Variants in MAN2C1 observed in about 807,000 individuals in gnomAD.
The protein encoded by MAN2C1 is mannosidase alpha class 2C member 1, also known as alpha-mannosidase 2C1.
Under a neutral mutation model 126.9 loss-of-function variants are expected in MAN2C1, and 111 were observed. The ratio of observed to expected loss-of-function variants is 0.87; its 90% CI spans 0.75 to 1.02. MAN2C1 has a LOEUF of 1.02. MAN2C1 is among the 50% of genes least tolerant of loss of function. The pLI, the probability that MAN2C1 is intolerant of heterozygous loss-of-function variation, is 0.00. For synonymous variants in MAN2C1, 567 were observed against 561.5 expected (o/e 1.01, Z -0.14); for missense variants, 1,363 against 1,364.4 (o/e 1.00, Z 0.02).
chr15:75,367,546 C>T lies in MAN2C1; in HGVS notation c.316G>A (p.Glu106Lys), dbSNP rs2072600243. Residue 106 changes from glutamate to lysine, a missense_variant, in exon 3 of 26, where the codon GAA (glutamate) becomes AAA (lysine). Physicochemically the swap from Glu to Lys is moderately conservative, Grantham distance 56 (BLOSUM62 1). Coordinates refer to ENST00000267978, the MANE Select transcript of MAN2C1 (RefSeq NM_006715.4). ...EVHLCWESDG[E>K]GLVWRDGEPV... ...TCTCCATCACGCCACACCAGACCTT[C>T]TCCATCACTTTCCCAGCAAAGGTGA... 1 of 1,614,090 alleles carries T rather than the reference C, an allele frequency of 6.2e-7. No individual in the cohort carries two copies. Among genetic ancestry groups the T allele is most frequent in the Admixed American group, 1.7e-5 (1 of 60,008 alleles).
In MAN2C1 at chr15:75,356,993, G is replaced by T; in HGVS notation, c.2548-91C>A. 3 of 1,040,542 alleles carry T rather than the reference G, an allele frequency of 2.9e-6. No homozygotes were observed. The highest frequency in any genetic ancestry group is 4.4e-6 in the Non-Finnish European group (3 of 689,002). The allele number at this position is 1,040,542 out of a possible 1,614,324, so 64.5% of individuals were successfully genotyped here. ...GCTCCTGTCACTAGGCCGAGCACAA[G>T]CTCTAGAACCACACAACTGAACTCC... On this transcript the variant is annotated intron_variant, in intron 21 of 25. Transcript: ENST00000267978. This position sits in a 1 kb window ranked among gnomAD's most constrained non-coding sequence, Gnocchi z 5.8.
chr15:75,362,924 C>G lies in MAN2C1; in HGVS notation c.791-176G>C. 1.6e-6 allele frequency: 1 copy of G among 609,918 alleles called. No homozygotes were observed. The highest frequency in any genetic ancestry group is 2.8e-5 in the East Asian group (1 of 35,546). 37.8% of individuals were successfully genotyped at this position (609,918 alleles called of 1,614,324 possible). On this transcript the variant is annotated intron_variant, in intron 6 of 25. Transcript: ENST00000267978. The surrounding 1 kb of genome is among the most constrained non-coding windows in gnomAD (Gnocchi z 4.5). ...CACTCCAGCGAGGTGGGAGGAGGGG[C>G]TGGGGAAAGGAGGCGGCAGTGCTAT...
In MAN2C1 at chr15:75,363,889, G is replaced by GAGCAAGAACTTGC. The variant is rs532778038; in HGVS notation, c.790+109_790+110insGCAAGTTCTTGCT. 9.6e-4 allele frequency: 1,175 copies of GAGCAAGAACTTGC among 1,227,194 alleles called. 15 individuals are homozygous for GAGCAAGAACTTGC. The East Asian group carries it at 0.027, about 28-fold the overall frequency. The allele number at this position is 1,227,194 out of a possible 1,614,324, so 76.0% of individuals were successfully genotyped here. A position where few individuals can be genotyped will look rare whatever the true frequency, so the allele number is the denominator to read the frequency against. ...CGTTTTACAGACGGGGAAAACGCAG[G>GAGCAAGAACTTGC]TCCAAGAGGAGCAAGAACTTGCTGA... On this transcript the variant is annotated intron_variant, in intron 6 of 25. Transcript: ENST00000267978.
In MAN2C1 at chr15:75,356,315, C is replaced by A; in HGVS notation, c.2872G>T (p.Glu958Ter). 6.2e-7 allele frequency: 1 copy of A among 1,611,846 alleles called. No homozygotes were observed. Among genetic ancestry groups the A allele is most frequent in the Non-Finnish European group, 8.5e-7 (1 of 1,179,352 alleles). Reference sequence around the variant, plus strand: ...CCACCCCTTGCCTGCTTGACGGTCTCCAATACGACCGCGGGTGAAGACACG... The same window carrying A: ...CCACCCCTTGCCTGCTTGACGGTCTACAATACGACCGCGGGTGAAGACACG... ...FSVSSPAVVL[E>*]TVKQAESSPQ... is the part of the protein sequence containing the mutation. The change falls in exon 24 of 26, where the codon GAG becomes TAG. Residue 958 changes from glutamate (E) to a stop codon, truncating the protein, a stop_gained. Transcript: ENST00000267978. LOFTEE classifies it high-confidence loss of function. This position sits in a 1 kb window ranked among gnomAD's most constrained non-coding sequence, Gnocchi z 5.8.
At chr15:75,367,886 A>T in intron 2 of MAN2C1, 187 bp downstream of exon 2, 2 of 956,386 alleles carry the variant, frequency 2.1e-6, no homozygotes, top group Non-Finnish European at 3.0e-6. Context: ...TGGGAATGAA[A>T]ACCATCCCCT....
chr15:75,360,027 G>A (rs998594512), intron 14 of MAN2C1, 39 bp from the exon 15 acceptor site: 1 of 1,613,846 alleles, frequency 6.2e-7, no homozygotes, highest in Non-Finnish European at 8.5e-7. Context: ...GGCTGGGAGG[G>A]GCAGGCACAG....
Position 75,361,508 on chromosome 15 carries a change from G to A in MAN2C1, c.1218+96C>T, listed in dbSNP as rs931027847. On this transcript the variant is annotated intron_variant, in intron 10 of 25. Coordinates refer to ENST00000267978, the MANE Select transcript of MAN2C1 (RefSeq NM_006715.4). The surrounding 1 kb of genome is among the most constrained non-coding windows in gnomAD (Gnocchi z 5.0). Reference sequence around the variant, plus strand: ...CTGGCAGAGGCAGAGTGAGGGTTTGGTGGTCTGTCTAGGACCCCACAATAA... The same window carrying A: ...CTGGCAGAGGCAGAGTGAGGGTTTGATGGTCTGTCTAGGACCCCACAATAA... 7.9e-7 allele frequency: 1 copy of A among 1,273,326 alleles called. No homozygotes were observed. 78.9% of individuals were successfully genotyped at this position (1,273,326 alleles called of 1,614,324 possible). A position where few individuals can be genotyped will look rare whatever the true frequency, so the allele number is the denominator to read the frequency against.
Position 75,361,549 on chromosome 15 carries a change from G to A in MAN2C1, c.1218+55C>T. ...CCCACAATAAGGGGGAGAGGCAAAT[G>A]GGCCAGGCGGGACTGAGGCCCACTC... On this transcript the variant is annotated intron_variant, in intron 10 of 25. Transcript: ENST00000267978. This position sits in a 1 kb window ranked among gnomAD's most constrained non-coding sequence, Gnocchi z 5.0. 7.0e-7 allele frequency: 1 copy of A among 1,426,784 alleles called. No homozygotes were observed. Among genetic ancestry groups the A allele is most frequent in the South Asian group, 1.1e-5 (1 of 86,966 alleles). The allele number at this position is 1,426,784 out of a possible 1,614,324, so 88.4% of individuals were successfully genotyped here. A position where few individuals can be genotyped will look rare whatever the true frequency, so the allele number is the denominator to read the frequency against.
Position 75,362,368 on chromosome 15 carries a change from G to A in MAN2C1, c.983C>T (p.Pro328Leu). Residue 328 changes from proline (P) to leucine (L), a missense_variant, in exon 8 of 26, where the codon CCT (proline) becomes CTT (leucine). Physicochemically the swap from Pro to Leu is moderately conservative, Grantham distance 98 (BLOSUM62 -3). Transcript: ENST00000267978. This position sits in a 1 kb window ranked among gnomAD's most constrained non-coding sequence, Gnocchi z 4.5. ...QEFACRGQFV[P>L]VGGTWVEMDG... ...CATCTCCACCCAGGTGCCCCCCACA[G>A]GCACAAACTGCCCACGGCACGCAAA... is the stretch of plus-strand genomic sequence containing the variant. 5 of 1,613,958 alleles carry A rather than the reference G, an allele frequency of 3.1e-6. No homozygotes were observed. Among genetic ancestry groups the A allele is most frequent in the Non-Finnish European group, 4.2e-6 (5 of 1,180,008 alleles).
chr15:75,366,395 A>G (rs1352804045), intron 4 of MAN2C1, 127 bp downstream of exon 4: 6 of 756,612 alleles, frequency 7.9e-6, no homozygotes, highest in East Asian at 2.9e-5. Context: ...AAAGCAAACA[A>G]TGAGATGTGA....
chr15:75,358,650 A>G, intron 19 of MAN2C1, 32 bp from the exon 20 acceptor site: 1 of 1,482,716 alleles, frequency 6.7e-7, no homozygotes, highest in Non-Finnish European at 9.2e-7. Context: ...ACTGATCCAG[A>G]GCAGCCTGTG....
At chr15:75,368,238 C>T (rs2072626129) in intron 1 of MAN2C1, 40 bp from the exon 2 acceptor site, 3 of 1,560,238 alleles carry the variant, frequency 1.9e-6, no homozygotes, top group South Asian at 2.3e-5. Context: ...TGGAGGCCGC[C>T]CCGTTTCCGC....
At position 75,361,260 on chromosome 15, in the gene MAN2C1, C is replaced by T. The variant is rs978056673; in HGVS notation, c.1314+26G>A. On this transcript the variant is annotated intron_variant, in intron 11 of 25. Transcript: ENST00000267978. The surrounding 1 kb of genome is among the most constrained non-coding windows in gnomAD (Gnocchi z 5.0). ...GCCAGCCCTCTCCAGCCTGCCCCTA[C>T]CCCACCACCCTAGGTGACCCCTCAC... 3 of 1,580,068 alleles carry T rather than the reference C, an allele frequency of 1.9e-6. No homozygotes were observed. The highest frequency in any genetic ancestry group is 2.7e-5 in the African/African-American group (2 of 74,754).
intron 3 of MAN2C1, 32 bp downstream of exon 3, chr15:75,367,479 G>T: frequency 6.2e-7 from 1 of 1,610,364 alleles, no homozygotes; most frequent in Non-Finnish European, 8.5e-7. Flanking sequence ...CTGAAATGTG[G>T]CCATACCTGG....
In MAN2C1 at chr15:75,358,521, G is replaced by A. The variant is rs199641166; in HGVS notation, c.2344C>T (p.Arg782Trp). The A allele has an allele frequency of 5.6e-5, 91 of 1,613,472 alleles. No homozygotes were observed. The highest frequency in any genetic ancestry group is 5.2e-4 in the African/African-American group (39 of 75,050). Residue 782 changes from arginine to tryptophan, a missense_variant, in exon 20 of 26, where the codon CGG becomes TGG. Transcript: ENST00000267978. ...WFLLQISPNS[R>W]LSQEVVLDVG... is the part of the protein sequence containing the mutation. ...TCCAGCACAACCTCCTGGCTAAGCC[G>A]ACTGTTGGGGCTGATCTGTAGCAAG... is the stretch of plus-strand genomic sequence containing the variant.
intron 2 of MAN2C1, 125 bp from the exon 3 acceptor site, chr15:75,367,759 T>C (rs2072606932): frequency 4.7e-6 from 6 of 1,274,636 alleles, no homozygotes; most frequent in Admixed American, 4.7e-5. Context: ...GTACTCAGCT[T>C]TGAGTCACAA....
chr15:75,359,998 C>T lies in MAN2C1; in HGVS notation c.1707-10G>A, dbSNP rs748285203. 1.1e-5 allele frequency: 18 copies of T among 1,613,952 alleles called. No homozygotes were observed. The Admixed American group carries it at 3.0e-4, about 27-fold the overall frequency. On this transcript the variant is annotated splice_polypyrimidine_tract_variant and intron_variant, in intron 14 of 25. Coordinates refer to ENST00000267978, the MANE Select transcript of MAN2C1 (RefSeq NM_006715.4). ...GTTCAGAAGAAGGAGCCTGCAGGGGCCAAGGGCAGGGATGGGAAGGCTGGG... is the reference window on the plus strand; with the variant it reads ...GTTCAGAAGAAGGAGCCTGCAGGGGTCAAGGGCAGGGATGGGAAGGCTGGG...
At position 75,361,363 on chromosome 15, in the gene MAN2C1, C is replaced by T; in HGVS notation, c.1237G>A (p.Glu413Lys). The T allele has an allele frequency of 9.6e-6, 15 of 1,564,440 alleles. No individual in the cohort carries two copies. Among genetic ancestry groups the T allele is most frequent in the Non-Finnish European group, 1.2e-5 (14 of 1,153,708 alleles). Residue 413 changes from glutamate to lysine, a missense_variant, in exon 11 of 26, where the codon GAG (glutamate) becomes AAG (lysine). Glu to Lys is a moderately conservative substitution (Grantham distance 56). This residue lies in a region of MAN2C1 where 628 missense variants were observed against 609.8 expected (regional missense o/e 1.03). Coordinates refer to ENST00000267978, the MANE Select transcript of MAN2C1 (RefSeq NM_006715.4). This position sits in a 1 kb window ranked among gnomAD's most constrained non-coding sequence, Gnocchi z 5.0. ...NSFPHHTFFW[E>K]GLDGSRVLVH... The stretch of plus-strand genomic sequence containing the variant: ...AGTACACGGGAGCCATCCAGGCCCT[C>T]CCAGAAAAATGTATGGTGCTACCAG...
Position 75,368,087 on chromosome 15 carries a change from G to A in MAN2C1, c.213C>T (p.Asp71=). The change falls in exon 2 of 26, where the codon GAC becomes GAT. Residue 71 remains aspartate, a synonymous_variant. Coordinates refer to ENST00000267978, the MANE Select transcript of MAN2C1 (RefSeq NM_006715.4). ...GCGTTACCTACGTGGGTCCGAAGCT[G>A]TCGCCGACCTGCGCGGGGCGGAAGT... ...QRDFRPAQVG[D]SFGPTWWTCW... 1 of 1,607,656 alleles carries A rather than the reference G, an allele frequency of 6.2e-7. No individual in the cohort carries two copies. Among genetic ancestry groups the A allele is most frequent in the Non-Finnish European group, 8.5e-7 (1 of 1,178,048 alleles).
Sources: allele counts gnomAD v4.1 joint callset, GRCh38; gene constraint gnomAD v4.1.1; regional missense constraint gnomAD v4.1.1; non-coding constraint Gnocchi (gnomAD v3.1); transcripts MANE v1.5; gene names NCBI Gene and HGNC (gene_info 2026-07-23, HGNC 2026-07-21).